PLPPR1: variants seen among roughly 807,000 people sequenced by gnomAD.
PLPPR1 encodes the protein phospholipid phosphatase related 1, also known as phospholipid phosphatase-related protein type 1.
A neutral mutation model predicts 33.1 loss-of-function variants in PLPPR1; 10 were observed. The ratio of observed to expected loss-of-function variants is 0.30; its 90% CI spans 0.19 to 0.51. The LOEUF is 0.51. PLPPR1 is among the 20% of genes least tolerant of loss of function. PLPPR1 has a pLI of 0.97. For missense variants in PLPPR1, 304 were observed against 408.1 expected (o/e 0.74, Z 2.20); for synonymous variants, 151 against 151.0 (o/e 1.00, Z 0.00).
Position 101,256,038 on chromosome 9 carries a change from C to A in PLPPR1, c.64-13842C>A, listed in dbSNP as rs115058763. Among the ~76,000 whole-genome samples, 1,331 of 152,222 alleles carry A rather than the reference C, an allele frequency of 8.7e-3. 16 individuals are homozygous for A. Among genetic ancestry groups the A allele is most frequent in the African/African-American group, 0.028 (1,178 of 41,522 alleles). ...CAGTGGTGGAGCCAAGTCCAGTGTT[C>A]CATTGCTAACCCATTTCTCTGGCCA... On this transcript the variant is annotated intron_variant, in intron 2 of 7. Coordinates refer to ENST00000374874, the MANE Select transcript of PLPPR1 (RefSeq NM_207299.2).
chr9:101,192,171 T>G (rs1431477), intron 2 of PLPPR1, among the ~76,000 whole-genome samples: 24,526 of 152,106 alleles, frequency 0.16, 2,267 homozygotes, highest in East Asian at 0.32. Flanking sequence ...AAAAACGAAT[T>G]TCTCTTGGCC....
chr9:101,217,361 T>C (rs1053085475), intron 2 of PLPPR1, among the ~76,000 whole-genome samples: 3 of 152,166 alleles, frequency 2.0e-5, no homozygotes, highest in African/African-American at 7.2e-5. Context: ...ATACCAAGGG[T>C]TAGCAAACTT....
chr9:101,278,109 C>A (rs1828230805), intron 3 of PLPPR1, among the ~76,000 whole-genome samples: 1 of 152,190 alleles, frequency 6.6e-6, no homozygotes, highest in Admixed American at 6.5e-5. Flanking sequence ...AATATGTATT[C>A]TGGGAATTCT....
intron 1 of PLPPR1, among the ~76,000 whole-genome samples, chr9:101,113,762 A>G (rs1831086417): frequency 6.6e-6 from 1 of 150,652 alleles, no homozygotes; most frequent in South Asian, 2.1e-4. Flanking sequence ...GTTGATAGAC[A>G]TACCTTTTTT....
intron 1 of PLPPR1, among the ~76,000 whole-genome samples, chr9:101,160,712 A>C (rs949315667): frequency 6.6e-6 from 1 of 152,188 alleles, no homozygotes; most frequent in Non-Finnish European, 1.5e-5. Context: ...CTAATTAGCC[A>C]TCAAGATCCC....
chr9:101,318,717 C>T lies in PLPPR1; in HGVS notation c.945+1221C>T, dbSNP rs547695431. On this transcript the variant is annotated intron_variant, in intron 7 of 7. Coordinates refer to ENST00000374874, the MANE Select transcript of PLPPR1 (RefSeq NM_207299.2). ...TGAGCCTGGGAGATTAAGACTACAGCGTGCTGTGATCGCGCCACTGCACTC... is the reference window on the plus strand; with the variant it reads ...TGAGCCTGGGAGATTAAGACTACAGTGTGCTGTGATCGCGCCACTGCACTC... Among the ~76,000 whole-genome samples, 44 of 151,966 alleles carry T rather than the reference C, an allele frequency of 2.9e-4. 1 individual carries two copies. In the South Asian group the frequency reaches 8.7e-3, roughly 30 times the overall value.
intron 1 of PLPPR1, among the ~76,000 whole-genome samples, chr9:101,076,839 G>A (rs1480532619): frequency 6.6e-6 from 1 of 152,140 alleles, no homozygotes; most frequent in Non-Finnish European, 1.5e-5. Flanking sequence ...TATTTATTGA[G>A]TCTTCAAGGG....
At chr9:101,245,922 TA>T (rs1220783103) in intron 2 of PLPPR1, among the ~76,000 whole-genome samples, 1 of 151,584 alleles carries the variant, frequency 6.6e-6, no homozygotes, top group African/African-American at 2.4e-5. Context: ...TAGGTTATTC[TA>T]AATACATGGA....
intron 1 of PLPPR1, among the ~76,000 whole-genome samples, chr9:101,047,136 T>G (rs1161654595): frequency 6.6e-6 from 1 of 152,190 alleles, no homozygotes; most frequent in African/African-American, 2.4e-5. Flanking sequence ...TAATACATCT[T>G]TTCTTCCCCA....
At chr9:101,137,978 C>T (rs2118625731) in intron 1 of PLPPR1, among the ~76,000 whole-genome samples, 2 of 152,314 alleles carry the variant, frequency 1.3e-5, no homozygotes, top group South Asian at 4.1e-4. Context: ...CTGAGCTTTT[C>T]TGCTGTACCA....
At chr9:101,291,230 T>G (rs1828498227) in intron 4 of PLPPR1, among the ~76,000 whole-genome samples, 1 of 151,988 alleles carries the variant, frequency 6.6e-6, no homozygotes, top group Non-Finnish European at 1.5e-5. Flanking sequence ...GCAGCAAGGC[T>G]GGGGGAGGGG....
At chr9:101,051,811 C>T (rs1212061648) in intron 1 of PLPPR1, among the ~76,000 whole-genome samples, 2 of 152,178 alleles carry the variant, frequency 1.3e-5, no homozygotes, top group Non-Finnish European at 2.9e-5. Flanking sequence ...AATTCCAACA[C>T]GCATTGGTGA....
chr9:101,226,019 C>A (rs1254446813), intron 2 of PLPPR1, among the ~76,000 whole-genome samples: 1 of 151,978 alleles, frequency 6.6e-6, no homozygotes, highest in Non-Finnish European at 1.5e-5. Context: ...CCTCATGTCT[C>A]CTGACTCCCA....
At chr9:101,228,985 G>C (rs1162020556) in intron 2 of PLPPR1, among the ~76,000 whole-genome samples, 2 of 139,016 alleles carry the variant, frequency 1.4e-5, no homozygotes, top group East Asian at 4.8e-4. Flanking sequence ...AATATAAAGT[G>C]TTTCATGGGT....
intron 3 of PLPPR1, among the ~76,000 whole-genome samples, chr9:101,274,413 C>G (rs1314096517): frequency 6.6e-6 from 1 of 152,122 alleles, no homozygotes; most frequent in Non-Finnish European, 1.5e-5. Context: ...GACAGCCACC[C>G]ATTTGGTTCC....
chr9:101,213,564 T>C (rs1826726038), intron 2 of PLPPR1, among the ~76,000 whole-genome samples: 1 of 152,218 alleles, frequency 6.6e-6, no homozygotes. Flanking sequence ...TGTGCTTTCA[T>C]GTCCATTATC....
At chr9:101,203,648 A>T (rs1826531725) in intron 2 of PLPPR1, among the ~76,000 whole-genome samples, 1 of 145,740 alleles carries the variant, frequency 6.9e-6, no homozygotes, top group South Asian at 2.2e-4. Context: ...GTGCAAACAC[A>T]TATATCTATG....
At chr9:101,137,526 T>A (rs1831391284) in intron 1 of PLPPR1, among the ~76,000 whole-genome samples, 1 of 152,086 alleles carries the variant, frequency 6.6e-6, no homozygotes, top group Non-Finnish European at 1.5e-5. Context: ...TGGGTGGAGG[T>A]GGTCCTGTGT....
chr9:101,250,163 T>A (rs1286498064), intron 2 of PLPPR1, among the ~76,000 whole-genome samples: 1 of 151,980 alleles, frequency 6.6e-6, no homozygotes, highest in Non-Finnish European at 1.5e-5. Flanking sequence ...AAGATCTAGC[T>A]CTTCCTCCCT....
Sources: gnomAD v4.1 joint callset for allele counts (sites outside exome capture counted in the v4.1 genomes callset) on GRCh38, gnomAD v4.1.1 for gene constraint, MANE v1.5 for transcripts, NCBI Gene and HGNC (gene_info 2026-07-23, HGNC 2026-07-21) for gene names.